Variants in OBSL1 observed in about 807,000 individuals in gnomAD.
The protein encoded by OBSL1 is obscurin like cytoskeletal adaptor 1.
A neutral mutation model predicts 172.0 loss-of-function variants in OBSL1; 160 were observed. The ratio of observed to expected loss-of-function variants is 0.93; its 90% CI spans 0.82 to 1.06. OBSL1 has a LOEUF of 1.06. OBSL1 is among the 50% of genes least tolerant of loss of function. The pLI, the probability that OBSL1 is intolerant of heterozygous loss-of-function variation, is 0.00. For synonymous variants in OBSL1, 1,200 were observed against 1,196.3 expected (o/e 1.00, Z -0.06); for missense variants, 2,681 against 2,715.4 (o/e 0.99, Z 0.28).
In OBSL1 at chr2:219,571,076, C is replaced by G; in HGVS notation, c.157G>C (p.Ala53Pro). The change falls in exon 1 of 21, where the codon GCG becomes CCG. Residue 53 changes from alanine (A) to proline (P), a missense_variant. By Grantham distance (27) the Ala-to-Pro change is conservative (BLOSUM62 -1). This residue lies in a region of OBSL1 where 90 missense variants were observed against 76.6 expected (regional missense o/e 1.18). Transcript: ENST00000404537. ...VVWEKGGQQL[A>P]ASERLSFPAD... ...GGGAAGCTCAGGCGTTCCGAGGCCG[C>G]CAGCTGCTGCCCGCCCTTCTCCCAC... 1 of 1,467,176 alleles carries G rather than the reference C, an allele frequency of 6.8e-7. No individual in the cohort carries two copies. Among genetic ancestry groups the G allele is most frequent in the Non-Finnish European group, 9.0e-7 (1 of 1,112,602 alleles). 90.9% of individuals were successfully genotyped at this position (1,467,176 alleles called of 1,614,324 possible).
chr2:219,547,270 T>A, downstream of OBSL1: 1 of 414,618 alleles, frequency 2.4e-6, no homozygotes, highest in Non-Finnish European at 4.3e-6. Context: ...ACCCTCATGA[T>A]CTCAATGGTT....
rs200401714 is a variant in OBSL1, at chr2:219,562,529, G to A, written c.2826C>T (p.Pro942=). 38 of 1,613,932 alleles carry A rather than the reference G, an allele frequency of 2.4e-5. No homozygotes were observed. In the East Asian group the frequency reaches 4.5e-4, roughly 19 times the overall value. The change falls in exon 8 of 21, where the codon CCC becomes CCT. Residue 942 remains proline (P), a synonymous_variant. Transcript: ENST00000404537. ...TKDGEEVVES[P]ALLLQKEDTV... is the part of the protein sequence containing the mutation. ...TGTCTTCCTTCTGCAGGAGCAGCGC[G>A]GGGCTCTCCACCACCTCCTCTCCAT... is the stretch of plus-strand genomic sequence containing the variant.
At position 219,567,464 on chromosome 2, in the gene OBSL1, A is replaced by C; in HGVS notation, c.1646T>G (p.Phe549Cys). The C allele has an allele frequency of 6.2e-7, 1 of 1,613,648 alleles. No individual in the cohort carries two copies. Among genetic ancestry groups the C allele is most frequent in the Admixed American group, 1.7e-5 (1 of 59,992 alleles). Residue 549 changes from phenylalanine (F) to cysteine (C), a missense_variant, in exon 4 of 21, where the codon TTC becomes TGC. By Grantham distance (205) the Phe-to-Cys change is radical (BLOSUM62 -2). Coordinates refer to ENST00000404537, the MANE Select transcript of OBSL1 (RefSeq NM_015311.3). ...KPPEPAPETPFIYRLERQEVG... is the reference protein window; with the variant it reads ...KPPEPAPETPCIYRLERQEVG... ...TTCCTGCCGCTCCAGCCGGTAGATG[A>C]ATGGGGTCTCGGGAGCTGGCTCGGG...
In OBSL1 at chr2:219,552,848, C is replaced by T. The variant is rs1695736439; in HGVS notation, c.5146+20G>A. 1 of 1,542,678 alleles carries T rather than the reference C, an allele frequency of 6.5e-7. No homozygotes were observed. The highest frequency in any genetic ancestry group is 2.5e-5 in the East Asian group (1 of 40,502). ...TCGCGCCCAAAGCAGTGCCCAGCCT[C>T]CACATCACCCCGTACCCACCGCGCA... On this transcript the variant is annotated intron_variant, in intron 17 of 20. Coordinates refer to ENST00000404537, the MANE Select transcript of OBSL1 (RefSeq NM_015311.3).
In OBSL1 at chr2:219,556,095, C is replaced by T. The variant is rs770627048; in HGVS notation, c.4534G>A (p.Val1512Ile). The T allele has an allele frequency of 1.1e-4, 170 of 1,613,838 alleles. No homozygotes were observed. The highest frequency in any genetic ancestry group is 1.4e-4 in the Non-Finnish European group (162 of 1,179,910). ...GHIHRLFIHGVILADQGTYGC... is the reference protein window; with the variant it reads ...GHIHRLFIHGIILADQGTYGC... ...TAGGTGCCCTGGTCGGCCAGTATGACACCATGGATGAAGAGGCGGTGGATG... is the reference window on the plus strand; with the variant it reads ...TAGGTGCCCTGGTCGGCCAGTATGATACCATGGATGAAGAGGCGGTGGATG... The change falls in exon 14 of 21, where the codon GTC becomes ATC. Residue 1512 changes from valine (V) to isoleucine (I), a missense_variant. Transcript: ENST00000404537.
intron 8 of OBSL1, chr2:219,562,006 ACT>A (rs1696512116): frequency 1.4e-6 from 1 of 717,288 alleles, no homozygotes; most frequent in African/African-American, 1.7e-5. Flanking sequence ...CTTTGGTAAG[ACT>A]CTGCAGACCA....
intron 5 of OBSL1, among the ~76,000 whole-genome samples, chr2:219,566,043 T>A (rs1465846023): frequency 6.6e-6 from 1 of 152,216 alleles, no homozygotes; most frequent in Admixed American, 6.5e-5. Flanking sequence ...CACAGTGTGA[T>A]CAGGAGCCCG....
rs2292359 is a variant in OBSL1, at chr2:219,568,100, C to T, written c.1237G>A (p.Glu413Lys). 37 of 1,613,126 alleles carry T rather than the reference C, an allele frequency of 2.3e-5. No homozygotes were observed. In the East Asian group the frequency reaches 4.7e-4, roughly 20 times the overall value. The change falls in exon 2 of 21, where the codon GAG (glutamate) becomes AAG (lysine). Residue 413 changes from glutamate (E) to lysine (K), a missense_variant. Around this residue, in one of 5 missense-constraint regions of OBSL1, gnomAD observed 706 missense variants for 695.8 expected, o/e 1.01. Coordinates refer to ENST00000404537, the MANE Select transcript of OBSL1 (RefSeq NM_015311.3). The surrounding 1 kb of genome is among the most constrained non-coding windows in gnomAD (Gnocchi z 4.1). Reference protein sequence around the residue: ...KADDDGIYLCEMRGRVRTVAN... With the variant: ...KADDDGIYLCKMRGRVRTVAN... ...ACGGTGCGCACCCGGCCCCGCATCT[C>T]GCACAGGTAGATACCATCATCGTCT...
At chr2:219,552,068 A>C (rs1455153853) in intron 19 of OBSL1, 44 bp downstream of exon 19, 16 of 1,515,752 alleles carry the variant, frequency 1.1e-5, no homozygotes, top group African/African-American at 1.4e-5. Flanking sequence ...ATGGCAGGAG[A>C]GACAGGATGT....
At chr2:219,547,950 G>T, downstream of OBSL1, 1 of 1,591,818 alleles carries the variant, frequency 6.3e-7, no homozygotes, top group Non-Finnish European at 8.5e-7. Flanking sequence ...GTGGTGGAGC[G>T]ACTCCGGGCT....
chr2:219,562,323 C>T, intron 8 of OBSL1, 79 bp downstream of exon 8: 1 of 1,536,012 alleles, frequency 6.5e-7, no homozygotes, highest in Non-Finnish European at 8.9e-7. Flanking sequence ...CCCCGGGGTG[C>T]TAGCTGGGGC....
downstream of OBSL1, chr2:219,547,617 G>T: frequency 6.6e-7 from 1 of 1,510,830 alleles, no homozygotes; most frequent in Non-Finnish European, 8.9e-7. Context: ...CTGAGTGCTG[G>T]GGCGAGCGCG....
intron 12 of OBSL1, 194 bp downstream of exon 12, chr2:219,557,149 A>G: frequency 1.8e-6 from 1 of 540,718 alleles, no homozygotes; most frequent in Non-Finnish European, 3.1e-6. Flanking sequence ...GCTTTTAACC[A>G]CTGGTTTATG....
At position 219,559,257 on chromosome 2, in the gene OBSL1, T is replaced by C; in HGVS notation, c.3194A>G (p.Asp1065Gly). 2 of 1,610,894 alleles carry C rather than the reference T, an allele frequency of 1.2e-6. No individual in the cohort carries two copies. Among genetic ancestry groups the C allele is most frequent in the South Asian group, 1.1e-5 (1 of 91,002 alleles). The change falls in exon 9 of 21, where the codon GAT (aspartate) becomes GGT (glycine). Residue 1065 changes from aspartate (D) to glycine (G), a missense_variant. This residue lies in a region of OBSL1 where 1,765 missense variants were observed against 1,748.3 expected (regional missense o/e 1.01). Transcript: ENST00000404537. ...DGGEFVCDAG[D>G]DSAFFTVTVT... is the part of the protein sequence containing the mutation. Reference sequence around the variant, plus strand: ...AGTGACAGTGAAGAAGGCCGAGTCATCTCCAGCATCACATACAAACTCGCC... The same window carrying C: ...AGTGACAGTGAAGAAGGCCGAGTCACCTCCAGCATCACATACAAACTCGCC...
chr2:219,558,056 G>C lies in OBSL1; in HGVS notation c.3557C>G (p.Ala1186Gly). 2 of 1,613,668 alleles carry C rather than the reference G, an allele frequency of 1.2e-6. No homozygotes were observed. Among genetic ancestry groups the C allele is most frequent in the Non-Finnish European group, 1.7e-6 (2 of 1,179,870 alleles). ...LETTPSPLCV[A>G]PGEPVVLSCE... Reference sequence around the variant, plus strand: ...GCTCAGCACCACTGGCTCCCCAGGGGCCACACAGAGCGGGCTTGGAGTTGT... The same window carrying C: ...GCTCAGCACCACTGGCTCCCCAGGGCCCACACAGAGCGGGCTTGGAGTTGT... The change falls in exon 11 of 21, where the codon GCC becomes GGC. Residue 1186 changes from alanine (A) to glycine (G), a missense_variant. Coordinates refer to ENST00000404537, the MANE Select transcript of OBSL1 (RefSeq NM_015311.3).
chr2:219,562,231 G>A (rs568300287), intron 8 of OBSL1, among the ~76,000 whole-genome samples, 171 bp downstream of exon 8: 4 of 152,274 alleles, frequency 2.6e-5, no homozygotes, highest in African/African-American at 9.6e-5. Flanking sequence ...ACCGGGGAGG[G>A]GCTTGTTTCC....
downstream of OBSL1, chr2:219,550,433 G>T: frequency 4.5e-6 from 1 of 222,838 alleles, no homozygotes; most frequent in Non-Finnish European, 9.0e-6. Context: ...GGGGGGTGCT[G>T]CTCTGGGCTG....
intron 14 of OBSL1, 119 bp from the exon 15 acceptor site, chr2:219,554,859 C>CA: frequency 8.2e-7 from 1 of 1,224,130 alleles, no homozygotes; most frequent in Non-Finnish European, 1.1e-6. Flanking sequence ...AGGTCCTGAC[C>CA]AAAAAAGTTC....
chr2:219,565,630 C>T (rs1421181689), intron 5 of OBSL1, 116 bp from the exon 6 acceptor site: 1 of 931,902 alleles, frequency 1.1e-6, no homozygotes, highest in Admixed American at 2.4e-5. Context: ...GCTTAGGCTT[C>T]CACACCAACC....
Sources: gnomAD v4.1 joint callset for allele counts (sites outside exome capture counted in the v4.1 genomes callset) on GRCh38, gnomAD v4.1.1 for gene constraint, gnomAD v4.1.1 regional missense constraint, Gnocchi (gnomAD v3.1) non-coding constraint, MANE v1.5 for transcripts, NCBI Gene and HGNC (gene_info 2026-07-23, HGNC 2026-07-21) for gene names.